DRAM1: variants seen among roughly 807,000 people sequenced by gnomAD.
DRAM1 encodes the protein DNA damage regulated autophagy modulator 1, also known as DNA damage-regulated autophagy modulator protein 1.
A neutral mutation model predicts 28.5 loss-of-function variants in DRAM1; 25 were observed. The ratio of observed to expected loss-of-function variants is 0.88; its 90% CI spans 0.64 to 1.23. The LOEUF (loss-of-function observed/expected upper bound fraction) is 1.23, where lower values mean the gene tolerates loss of function less well. Ranked by LOEUF, DRAM1 falls within the 50% of genes most tolerant of loss-of-function variation. DRAM1 has a pLI of 0.00. For missense variants in DRAM1, 249 were observed against 299.2 expected (o/e 0.83, Z 1.24); for synonymous variants, 113 against 114.2 (o/e 0.99, Z 0.07).
chr12:101,881,724 A>G (rs995846161), intron 1 of DRAM1, among the ~76,000 whole-genome samples: 20 of 152,088 alleles, frequency 1.3e-4, no homozygotes, highest in Admixed American at 2.0e-4. Flanking sequence ...CCTTTGTTCA[A>G]ATGTTATCAT....
rs1872527953 is a variant in DRAM1 at position 101,877,606 on chromosome 12, G to T, written c.-184G>T. On this transcript the variant is annotated 5_prime_UTR_variant, in exon 1 of 7. Transcript: ENST00000258534. The surrounding 1 kb of genome is among the most constrained non-coding windows in gnomAD (Gnocchi z 4.1). ...CTCTGGCCCGGCAGCCTCGCCGCCCGCAGCCTCGCTCCGCTCCTCGCGCTT... is the reference window on the plus strand; with the variant it reads ...CTCTGGCCCGGCAGCCTCGCCGCCCTCAGCCTCGCTCCGCTCCTCGCGCTT... The T allele has an allele frequency of 3.0e-6, 1 of 330,476 alleles. No homozygotes were observed. The highest frequency in any genetic ancestry group is 5.2e-6 in the Non-Finnish European group (1 of 191,094). 20.5% of individuals were successfully genotyped at this position (330,476 alleles called of 1,614,324 possible). A position where few individuals can be genotyped will look rare whatever the true frequency, so the allele number is the denominator to read the frequency against.
At chr12:101,898,055 C>T (rs1448634417) in intron 2 of DRAM1, 125 bp downstream of exon 2, 5 of 572,012 alleles carry the variant, frequency 8.7e-6, no homozygotes, top group Non-Finnish European at 1.4e-5. Context: ...GACAGGGTCT[C>T]TGTCATCCAG....
chr12:101,894,309 G>C (rs562548949), intron 1 of DRAM1, among the ~76,000 whole-genome samples: 1 of 152,150 alleles, frequency 6.6e-6, no homozygotes, highest in South Asian at 2.1e-4. Flanking sequence ...TAGAGATGGG[G>C]TTTCACCATG....
intron 5 of DRAM1, among the ~76,000 whole-genome samples, chr12:101,915,839 C>T (rs184504801): frequency 4.6e-4 from 70 of 152,264 alleles, no homozygotes; most frequent in Non-Finnish European, 7.6e-4. Flanking sequence ...GGATTACAGG[C>T]GTGAACCACC....
chr12:101,910,528 A>G (rs958394035), intron 4 of DRAM1, among the ~76,000 whole-genome samples: 103 of 148,176 alleles, frequency 7.0e-4, no homozygotes, highest in Non-Finnish European at 1.3e-3. Context: ...CCCAGGCTGG[A>G]GTGCAATGGT....
chr12:101,889,063 A>G (rs1161516858), intron 1 of DRAM1, among the ~76,000 whole-genome samples: 2 of 151,934 alleles, frequency 1.3e-5, no homozygotes, highest in Non-Finnish European at 2.9e-5. Flanking sequence ...TCAGCCTCAC[A>G]TAATGCTGGG....
chr12:101,879,496 G>T (rs1246922387), intron 1 of DRAM1, among the ~76,000 whole-genome samples: 1 of 152,154 alleles, frequency 6.6e-6, no homozygotes, highest in African/African-American at 2.4e-5. Flanking sequence ...GCCCAGGCTG[G>T]TCTTAAACTC....
chr12:101,902,886 T>TGTGTGG (rs985413301), intron 3 of DRAM1, among the ~76,000 whole-genome samples: 24 of 151,714 alleles, frequency 1.6e-4, no homozygotes, highest in African/African-American at 5.3e-4. Flanking sequence ...GATTTTGAGA[T>TGTGTGG]GTGTGGGCAA....
At chr12:101,882,141 C>T (rs573556464) in intron 1 of DRAM1, among the ~76,000 whole-genome samples, 18 of 119,432 alleles carry the variant, frequency 1.5e-4, no homozygotes, top group Admixed American at 4.1e-4. Flanking sequence ...TTTTTTGAGA[C>T]GGAGTTTCCC....
intron 1 of DRAM1, among the ~76,000 whole-genome samples, chr12:101,889,882 G>A (rs1000349442): frequency 2.1e-5 from 3 of 145,824 alleles, no homozygotes; most frequent in Non-Finnish European, 4.5e-5. Flanking sequence ...AGAGGTTGCA[G>A]TGAGCCGAGA....
At position 101,922,877 on chromosome 12, in the gene DRAM1, T is replaced by G. The variant is rs1440003936; in HGVS notation, c.*1617T>G. 1 of 152,114 alleles carries G rather than the reference T, an allele frequency of 6.6e-6. No homozygotes were observed. The highest frequency in any genetic ancestry group is 1.5e-5 in the Non-Finnish European group (1 of 68,026). The allele number at this position is 152,114 out of a possible 1,614,324, so 9.4% of individuals were successfully genotyped here. On this transcript the variant is annotated 3_prime_UTR_variant, in exon 7 of 7. Coordinates refer to ENST00000258534, the MANE Select transcript of DRAM1 (RefSeq NM_018370.3). ...CTTTGGGAGGCCTAGGCAGGAGGAT[T>G]GCTTGAGCCTGGGACTTCGAGACCA...
At chr12:101,893,974 A>G (rs1437105266) in intron 1 of DRAM1, among the ~76,000 whole-genome samples, 1 of 151,784 alleles carries the variant, frequency 6.6e-6, no homozygotes. Context: ...TCTGTCACCC[A>G]GGCTGGAGGG....
intron 5 of DRAM1, 72 bp downstream of exon 5, chr12:101,914,304 G>A (rs1874151205): frequency 8.5e-7 from 1 of 1,181,630 alleles, no homozygotes; most frequent in Non-Finnish European, 1.2e-6. Flanking sequence ...CTAGGCATAG[G>A]GAAGATCACT....
chr12:101,890,392 GTCC>G (rs1873069665), intron 1 of DRAM1, among the ~76,000 whole-genome samples: 2 of 44,486 alleles, frequency 4.5e-5, no homozygotes, highest in African/African-American at 3.9e-4. Context: ...ATTTTTTTTG[GTCC>G]TTGTAGCCAC....
intron 4 of DRAM1, among the ~76,000 whole-genome samples, chr12:101,910,426 T>C (rs981049395): frequency 1.8e-4 from 27 of 151,870 alleles, no homozygotes; most frequent in South Asian, 6.2e-4. Flanking sequence ...TTTCACAAAA[T>C]AAGCATTTCA....
At chr12:101,878,255 CAT>C (rs1050051236) in intron 1 of DRAM1, among the ~76,000 whole-genome samples, 3 of 152,154 alleles carry the variant, frequency 2.0e-5, no homozygotes, top group African/African-American at 7.2e-5. Flanking sequence ...TGATAGATGA[CAT>C]ATATTATACA....
At chr12:101,879,566 C>T (rs1330748947) in intron 1 of DRAM1, among the ~76,000 whole-genome samples, 1 of 150,192 alleles carries the variant, frequency 6.7e-6, no homozygotes, top group Non-Finnish European at 1.5e-5. Flanking sequence ...CAGGCGTGAG[C>T]CACCACGCCT....
At chr12:101,889,476 A>C (rs978870842) in intron 1 of DRAM1, among the ~76,000 whole-genome samples, 7 of 139,568 alleles carry the variant, frequency 5.0e-5, no homozygotes, top group African/African-American at 1.5e-4. Flanking sequence ...CGAGATGAGA[A>C]GAGAAGAAGG....
At chr12:101,894,950 A>C (rs564009543) in intron 1 of DRAM1, among the ~76,000 whole-genome samples, 1 of 152,194 alleles carries the variant, frequency 6.6e-6, no homozygotes, top group South Asian at 2.1e-4. Context: ...CTGCTTTTTT[A>C]TACCCTCAGG....
Sources: gnomAD v4.1 joint callset for allele counts (sites outside exome capture counted in the v4.1 genomes callset) on GRCh38, gnomAD v4.1.1 for gene constraint, Gnocchi (gnomAD v3.1) non-coding constraint, MANE v1.5 for transcripts, NCBI Gene and HGNC (gene_info 2026-07-23, HGNC 2026-07-21) for gene names.